HIVEP3: variants seen among roughly 807,000 people sequenced by gnomAD.
HIVEP3 encodes the protein HIVEP zinc finger 3.
In HIVEP3, 49 loss-of-function variants were observed where a neutral mutation model predicts 152.8. The observed-to-expected ratio is 0.32, with a 90% confidence interval of 0.26 to 0.41. The LOEUF (loss-of-function observed/expected upper bound fraction) is 0.41, where lower values mean the gene tolerates loss of function less well. HIVEP3 is among the 10% of genes least tolerant of loss of function. HIVEP3 has a pLI of 1.00. For missense variants in HIVEP3, 2,790 were observed against 3,103.3 expected, an observed-to-expected ratio of 0.90 and a Z score of 2.40; for synonymous variants, 1,269 against 1,289.0, an observed-to-expected ratio of 0.98 and a Z score of 0.33.
intron 1 of HIVEP3, among the ~76,000 whole-genome samples, chr1:41,761,218 ATATG>A (rs986446009): frequency 2.0e-5 from 3 of 152,016 alleles, no homozygotes; most frequent in Middle Eastern, 3.2e-3. Context: ...GTGTGTATGC[ATATG>A]TGTGTGTGCA....
At chr1:42,017,191 TA>T (rs935059392) in intron 1 of HIVEP3, among the ~76,000 whole-genome samples, 3 of 151,528 alleles carry the variant, frequency 2.0e-5, no homozygotes, top group Non-Finnish European at 3.0e-5. Flanking sequence ...TCTGAGATTA[TA>T]AAAAAAAAGT....
intron 1 of HIVEP3, among the ~76,000 whole-genome samples, chr1:41,832,346 G>A (rs1397456191): frequency 1.3e-5 from 2 of 152,090 alleles, no homozygotes; most frequent in South Asian, 2.1e-4. Flanking sequence ...TGGGCAATGT[G>A]GCAAGACCCT....
intron 1 of HIVEP3, among the ~76,000 whole-genome samples, chr1:41,759,273 C>A (rs1360064128): frequency 1.3e-5 from 2 of 151,998 alleles, no homozygotes; most frequent in African/African-American, 4.8e-5. Context: ...TGGAATCACA[C>A]AATATATGGC....
At position 41,584,807 on chromosome 1, in the gene HIVEP3, A is replaced by T; in HGVS notation, c.-10T>A. 2 of 1,501,788 alleles carry T rather than the reference A, an allele frequency of 1.3e-6. No individual in the cohort carries two copies. The highest frequency in any genetic ancestry group is 1.8e-6 in the Non-Finnish European group (2 of 1,125,686). 93.0% of individuals were successfully genotyped at this position (1,501,788 alleles called of 1,614,324 possible). ...TTTGTTCAGGATCCATGACCTTCACAAAGACTTCAGATGCTATTCAGGGAG... is the reference window on the plus strand; with the variant it reads ...TTTGTTCAGGATCCATGACCTTCACTAAGACTTCAGATGCTATTCAGGGAG... On this transcript the variant is annotated 5_prime_UTR_variant, in exon 4 of 9. Transcript: ENST00000372583. The surrounding 1 kb of genome is among the most constrained non-coding windows in gnomAD (Gnocchi z 5.2).
intron 3 of HIVEP3, among the ~76,000 whole-genome samples, chr1:41,619,325 A>G (rs927811170): frequency 2.0e-5 from 3 of 152,172 alleles, no homozygotes; most frequent in Non-Finnish European, 4.4e-5. Flanking sequence ...CGTGCCCCCT[A>G]TTCCTTTCCT....
chr1:41,536,558 G>A (rs1368058464), intron 5 of HIVEP3, among the ~76,000 whole-genome samples: 1 of 152,158 alleles, frequency 6.6e-6, no homozygotes, highest in African/African-American at 2.4e-5. Context: ...GGGAGGCGTA[G>A]GAGGGGACGC....
chr1:41,815,415 G>GA (rs1406612234), intron 1 of HIVEP3, among the ~76,000 whole-genome samples: 1 of 152,178 alleles, frequency 6.6e-6, no homozygotes, highest in African/African-American at 2.4e-5. Context: ...AGGCTGCAGT[G>GA]AGCTATGATC....
At chr1:41,673,266 C>G (rs899428232) in intron 2 of HIVEP3, among the ~76,000 whole-genome samples, 3 of 152,210 alleles carry the variant, frequency 2.0e-5, no homozygotes, top group African/African-American at 2.4e-5. Context: ...TCCCAGAGGC[C>G]AGATGGGTGG....
intron 1 of HIVEP3, among the ~76,000 whole-genome samples, chr1:41,941,217 G>T (rs1182414930): frequency 6.6e-6 from 1 of 152,200 alleles, no homozygotes; most frequent in Admixed American, 6.5e-5. Flanking sequence ...GGGGCAGTGG[G>T]TAGAGTAGGG....
intron 1 of HIVEP3, among the ~76,000 whole-genome samples, chr1:41,706,571 C>T (rs1433505349): frequency 2.0e-5 from 3 of 152,208 alleles, no homozygotes; most frequent in Non-Finnish European, 4.4e-5. Context: ...CGTAAGCCAC[C>T]GTGCCAGGCT....
intron 3 of HIVEP3, among the ~76,000 whole-genome samples, chr1:41,618,904 G>A (rs1028718718): frequency 1.3e-5 from 2 of 152,184 alleles, no homozygotes; most frequent in Non-Finnish European, 2.9e-5. Context: ...AAATGGAGCT[G>A]GAATCAGACC....
At chr1:41,864,903 A>C (rs975180253) in intron 1 of HIVEP3, among the ~76,000 whole-genome samples, 1 of 152,244 alleles carries the variant, frequency 6.6e-6, no homozygotes, top group South Asian at 2.1e-4. Context: ...CAGTATGTTG[A>C]TAAGCAGATT....
intron 1 of HIVEP3, among the ~76,000 whole-genome samples, chr1:41,988,350 C>G (rs1645336119): frequency 1.3e-5 from 2 of 151,826 alleles, no homozygotes. Context: ...GGTTAATACC[C>G]AAAATATATA....
At chr1:41,711,275 G>A (rs1646509435) in intron 1 of HIVEP3, among the ~76,000 whole-genome samples, 1 of 152,238 alleles carries the variant, frequency 6.6e-6, no homozygotes, top group Non-Finnish European at 1.5e-5. Flanking sequence ...GCCAGGAAGA[G>A]GCCAGAAATC....
intron 1 of HIVEP3, among the ~76,000 whole-genome samples, chr1:41,931,768 G>A (rs1449073748): frequency 2.0e-5 from 3 of 151,956 alleles, no homozygotes; most frequent in African/African-American, 4.8e-5. Context: ...AAGTCCATAT[G>A]TTCATTGCTA....
chr1:41,775,849 G>C (rs1472044195), intron 1 of HIVEP3, among the ~76,000 whole-genome samples: 3 of 152,092 alleles, frequency 2.0e-5, no homozygotes, highest in African/African-American at 7.2e-5. Context: ...TCACTGTATG[G>C]CAAAATAAGC....
intron 1 of HIVEP3, among the ~76,000 whole-genome samples, chr1:42,011,961 T>G (rs1271405673): frequency 6.6e-6 from 1 of 152,184 alleles, no homozygotes; most frequent in Non-Finnish European, 1.5e-5. Context: ...GGCCTCATCC[T>G]GGGAAACAAC....
intron 1 of HIVEP3, among the ~76,000 whole-genome samples, chr1:41,999,361 GAAGT>G (rs1278399857): frequency 6.6e-6 from 1 of 152,128 alleles, no homozygotes; most frequent in African/African-American, 2.4e-5. Flanking sequence ...TTGGAGAAAA[GAAGT>G]GAGTATAAAA....
chr1:41,734,226 CT>C (rs1646882713), intron 1 of HIVEP3, among the ~76,000 whole-genome samples: 1 of 152,248 alleles, frequency 6.6e-6, no homozygotes, highest in Non-Finnish European at 1.5e-5. Context: ...TCAGAGCCCC[CT>C]GCATCTGAAT....
Sources: gnomAD v4.1 joint callset for allele counts (sites outside exome capture counted in the v4.1 genomes callset) on GRCh38, gnomAD v4.1.1 for gene constraint, Gnocchi (gnomAD v3.1) non-coding constraint, MANE v1.5 for transcripts, NCBI Gene and HGNC (gene_info 2026-07-23, HGNC 2026-07-21) for gene names.